The following TTI1 variants were observed in gnomAD, a reference collection of about 807,000 sequenced individuals.
TTI1 encodes the protein TELO2-interacting protein 1 homolog.
In TTI1, 52 loss-of-function variants were observed where a neutral mutation model predicts 85.4. The ratio of observed to expected loss-of-function variants is 0.61; its 90% confidence interval spans 0.49 to 0.77. TTI1 has a LOEUF of 0.77. TTI1 is among the 30% of genes least tolerant of loss of function. The pLI is 0.00. For missense variants in TTI1, 1,173 were observed against 1,296.0 expected (o/e 0.91, Z 1.46); for synonymous variants, 512 against 503.9 (o/e 1.02, Z -0.22).
intron 1 of TTI1, among the ~76,000 whole-genome samples, chr20:38,023,755 G>T (rs1437439727): frequency 1.3e-5 from 2 of 152,210 alleles, no homozygotes; most frequent in Non-Finnish European, 2.9e-5. Flanking sequence ...AGCATATTCT[G>T]AAGTTTTGTT....
chr20:38,003,608 C>T (rs1050406272), intron 3 of TTI1, among the ~76,000 whole-genome samples: 3 of 151,980 alleles, frequency 2.0e-5, no homozygotes, highest in Non-Finnish European at 4.4e-5. Flanking sequence ...AAAAATTAGC[C>T]GGGCATAGTG....
chr20:38,023,068 G>A (rs2073790876), intron 1 of TTI1, among the ~76,000 whole-genome samples: 1 of 152,178 alleles, frequency 6.6e-6, no homozygotes, highest in Non-Finnish European at 1.5e-5. Context: ...ACAAGTTCTT[G>A]AATAGGAGGA....
In TTI1 at chr20:38,017,404, T is replaced by TTGTGTGTGTGTGTGTGTGTGTG. The variant is rs66542554; in HGVS notation, c.-41-3569_-41-3548dup. On this transcript the variant is annotated intron_variant, in intron 1 of 7. Coordinates refer to ENST00000373447, the MANE Select transcript of TTI1 (RefSeq NM_001303457.2). ...TCAGAGGGAATCAACAATCAATAGC[T>TTGTGTGTGTGTGTGTGTGTGTG]TGTGTGTGTGTGTGTGTGTGTGTGT... Among the ~76,000 whole-genome samples, 14 of 146,242 alleles carry TTGTGTGTGTGTGTGTGTGTGTG rather than the reference T, an allele frequency of 9.6e-5. No individual in the cohort carries two copies. In the South Asian group the frequency reaches 1.3e-3, roughly 14 times the overall value.
At chr20:38,028,520 G>A (rs1196555261) in intron 1 of TTI1, among the ~76,000 whole-genome samples, 1 of 152,100 alleles carries the variant, frequency 6.6e-6, no homozygotes, top group Non-Finnish European at 1.5e-5. Flanking sequence ...AACAAAAATG[G>A]ATAAAACTAA....
intron 5 of TTI1, among the ~76,000 whole-genome samples, chr20:37,997,204 T>C (rs1239174770): frequency 6.6e-6 from 1 of 152,038 alleles, no homozygotes; most frequent in East Asian, 1.9e-4. Context: ...GAATCTTGGG[T>C]TGGATGAATA....
At chr20:38,006,080 T>C in intron 3 of TTI1, 117 bp downstream of exon 3, 3 of 1,146,290 alleles carry the variant, frequency 2.6e-6, no homozygotes, top group South Asian at 2.9e-5. Flanking sequence ...TATGTTAGCC[T>C]GGTAAGGTTA....
At position 37,992,741 on chromosome 20, in the gene TTI1, C is replaced by T. The variant is rs533203146; in HGVS notation, c.3086+3634G>A. ...GGAGTATGGTTTTAATGGAGTTCAA[C>T]TAGGCTAAGTACATGTATGGACTTG... On this transcript the variant is annotated intron_variant, in intron 7 of 7. Coordinates refer to ENST00000373447, the MANE Select transcript of TTI1 (RefSeq NM_001303457.2). Among the ~76,000 whole-genome samples the T allele has an allele frequency of 1.0e-3, 154 of 152,318 alleles. 1 individual carries two copies. The highest frequency in any genetic ancestry group is 3.5e-3 in the African/African-American group (146 of 41,554).
intron 7 of TTI1, among the ~76,000 whole-genome samples, chr20:37,985,815 C>T (rs770614026): frequency 1.3e-5 from 2 of 152,046 alleles, no homozygotes; most frequent in Admixed American, 1.3e-4. Context: ...GTGTGAGCAC[C>T]GGGCCCGGCC....
intron 7 of TTI1, chr20:37,987,248 CAG>C (rs936019646): frequency 4.4e-6 from 2 of 456,580 alleles, no homozygotes; most frequent in African/African-American, 2.0e-5. Context: ...TAGCTGAAAC[CAG>C]AGAGTGAACA....
In TTI1 at chr20:38,013,600, T is replaced by C. The variant is rs1343158178; in HGVS notation, c.217A>G (p.Ser73Gly). 6 of 1,614,094 alleles carry C rather than the reference T, an allele frequency of 3.7e-6. No individual in the cohort carries two copies. The Admixed American group carries it at 8.3e-5, about 22-fold the overall frequency. ...ACAAATGTGAGGCATTCCACCACAC[T>C]TTGGATCAAACGCTCTCTTTTGGGA... ...PGPKRERLIQ[S>G]VVECLTFVLS... Residue 73 changes from serine to glycine, a missense_variant, in exon 2 of 8, where the codon AGT (serine) becomes GGT (glycine). Physicochemically the swap from Ser to Gly is moderately conservative, Grantham distance 56 (BLOSUM62 0). Transcript: ENST00000373447.
chr20:38,001,436 C>T (rs1192090764), intron 4 of TTI1, among the ~76,000 whole-genome samples: 1 of 152,194 alleles, frequency 6.6e-6, no homozygotes, highest in Admixed American at 6.5e-5. Context: ...ACAGCTGCTA[C>T]AAATCCTCTA....
chr20:38,016,457 T>C (rs1391546828), intron 1 of TTI1, among the ~76,000 whole-genome samples: 1 of 152,196 alleles, frequency 6.6e-6, no homozygotes, highest in Non-Finnish European at 1.5e-5. Context: ...GTTCCTAAAC[T>C]ACATTCTCAG....
intron 7 of TTI1, among the ~76,000 whole-genome samples, chr20:37,985,861 C>T (rs930688208): frequency 7.2e-5 from 11 of 152,090 alleles, no homozygotes; most frequent in Admixed American, 6.6e-4. Flanking sequence ...TGTGCCCAAA[C>T]AATTTACTTT....
In TTI1 at chr20:37,983,642, G is replaced by A; in HGVS notation, c.3087-3C>T. On this transcript the variant is annotated splice_polypyrimidine_tract_variant and splice_region_variant and intron_variant, in intron 7 of 7. Transcript: ENST00000373447. ...CCTTCATCAAGTGGAGGAAGACGCT[G>A]TGGAGAGATGGAAAGGAGTGAGTAG... The A allele has an allele frequency of 6.6e-7, 1 of 1,512,112 alleles. No homozygotes were observed. 93.7% of individuals were successfully genotyped at this position (1,512,112 alleles called of 1,614,324 possible). A position where few individuals can be genotyped will look rare whatever the true frequency, so the allele number is the denominator to read the frequency against.
intron 1 of TTI1, among the ~76,000 whole-genome samples, chr20:38,014,215 T>C (rs2073648341): frequency 6.6e-6 from 1 of 152,216 alleles, no homozygotes; most frequent in South Asian, 2.1e-4. Context: ...CTTCAGGAGT[T>C]TGGATTTAAA....
At chr20:38,010,120 T>C (rs764922854) in intron 2 of TTI1, among the ~76,000 whole-genome samples, 26 of 152,336 alleles carry the variant, frequency 1.7e-4, no homozygotes, top group Non-Finnish European at 2.4e-4. Context: ...CAGGCACTCT[T>C]GAATGAATGA....
In TTI1 at chr20:38,012,140, A is replaced by T; in HGVS notation, c.1677T>A (p.Ser559=). The T allele has an allele frequency of 6.2e-7, 1 of 1,614,216 alleles. No homozygotes were observed. Among genetic ancestry groups the T allele is most frequent in the Non-Finnish European group, 8.5e-7 (1 of 1,180,036 alleles). Residue 559 remains serine (S), a synonymous_variant, in exon 2 of 8, where the codon TCT becomes TCA. Transcript: ENST00000373447. ...CTTGACTTGTGTATTCTTCAAGTAT[A>T]GATGTCACAATCTCTCTCAGTTCTT... is the stretch of plus-strand genomic sequence containing the variant. ...NPEELREIVT[S]ILEEYTSQEN...
intron 1 of TTI1, among the ~76,000 whole-genome samples, chr20:38,026,809 T>C (rs753404614): frequency 3.3e-5 from 5 of 152,226 alleles, no homozygotes; most frequent in Non-Finnish European, 5.9e-5. Flanking sequence ...AAAACTATGT[T>C]TGACAGTTGA....
chr20:37,988,895 C>T lies in TTI1; in HGVS notation c.3087-5256G>A, dbSNP rs2073226253. ...CCTCCTCTCTGGCCATCTCTTCTCC[C>T]ATCACTCTGTGCATGCTGATGCTGC... is the stretch of plus-strand genomic sequence containing the variant. On this transcript the variant is annotated intron_variant, in intron 7 of 7. Coordinates refer to ENST00000373447, the MANE Select transcript of TTI1 (RefSeq NM_001303457.2). Among the ~76,000 whole-genome samples the T allele has an allele frequency of 2.0e-5, 3 of 152,304 alleles. No homozygotes were observed. In the South Asian group the frequency reaches 6.2e-4, roughly 32 times the overall value.
Sources: allele counts gnomAD v4.1 joint callset (sites outside exome capture counted in the v4.1 genomes callset), GRCh38; gene constraint gnomAD v4.1.1; transcripts MANE v1.5; gene names NCBI Gene and HGNC (gene_info 2026-07-23, HGNC 2026-07-21).